The following RGS20 variants were observed in gnomAD, a reference collection of about 807,000 sequenced individuals.
RGS20 encodes gz-selective GTPase-activating protein.
A neutral mutation model predicts 33.6 loss-of-function variants in RGS20; 30 were observed. The ratio of observed to expected loss-of-function variants is 0.89; its 90% CI spans 0.67 to 1.21. The LOEUF (loss-of-function observed/expected upper bound fraction) is 1.21. RGS20 is among the 50% of genes most tolerant of loss of function. RGS20 has a pLI of 0.00. For synonymous variants in RGS20, 208 were observed against 197.9 expected (o/e 1.05, Z -0.43); for missense variants, 472 against 502.4 (o/e 0.94, Z 0.58).
At chr8:53,940,881 G>A (rs1343802717) in intron 3 of RGS20, among the ~76,000 whole-genome samples, 1 of 152,166 alleles carries the variant, frequency 6.6e-6, no homozygotes, top group Non-Finnish European at 1.5e-5. Flanking sequence ...GGTGTCCAGG[G>A]CCTGCCCTAA....
intron 1 of RGS20, among the ~76,000 whole-genome samples, chr8:53,868,732 A>G (rs1175420470): frequency 6.6e-6 from 1 of 152,052 alleles, no homozygotes; most frequent in African/African-American, 2.4e-5. Context: ...CTCCATGATA[A>G]GAAAATATAG....
At chr8:53,954,847 C>G (rs1402187623) in intron 5 of RGS20, among the ~76,000 whole-genome samples, 1 of 151,002 alleles carries the variant, frequency 6.6e-6, no homozygotes, top group East Asian at 2.1e-4. Flanking sequence ...ACCACCAGGC[C>G]TGGCTAATTT....
intron 2 of RGS20, among the ~76,000 whole-genome samples, chr8:53,880,485 C>A (rs1420578148): frequency 6.6e-6 from 1 of 152,002 alleles, no homozygotes; most frequent in Non-Finnish European, 1.5e-5. Flanking sequence ...GACGCGCAGT[C>A]CACAGACGCG....
At chr8:53,889,965 G>A (rs777810547) in intron 2 of RGS20, among the ~76,000 whole-genome samples, 1 of 151,986 alleles carries the variant, frequency 6.6e-6, no homozygotes, top group Non-Finnish European at 1.5e-5. Flanking sequence ...TCTCCTTTGG[G>A]TTAACTGAGC....
intron 5 of RGS20, among the ~76,000 whole-genome samples, chr8:53,954,981 C>T (rs1352438602): frequency 6.6e-6 from 1 of 151,440 alleles, no homozygotes; most frequent in Admixed American, 6.6e-5. Context: ...CCACCGTGCC[C>T]GGCCTCGCCA....
chr8:53,892,954 G>A (rs904875213), intron 2 of RGS20, among the ~76,000 whole-genome samples: 1 of 152,054 alleles, frequency 6.6e-6, no homozygotes, highest in African/African-American at 2.4e-5. Flanking sequence ...CCTAATCTTT[G>A]TCACTTGTAG....
chr8:53,943,832 T>C (rs1157823510), intron 3 of RGS20, among the ~76,000 whole-genome samples: 1 of 152,178 alleles, frequency 6.6e-6, no homozygotes. Context: ...TCGGAAGTCA[T>C]GCAGAGAGCG....
chr8:53,944,487 G>C (rs969845278), intron 3 of RGS20, among the ~76,000 whole-genome samples: 6 of 150,630 alleles, frequency 4.0e-5, no homozygotes, highest in Non-Finnish European at 5.9e-5. Flanking sequence ...GTAGGGAGCT[G>C]AGATCACGCC....
chr8:53,901,229 G>A (rs968676346), intron 2 of RGS20, among the ~76,000 whole-genome samples: 1 of 151,826 alleles, frequency 6.6e-6, no homozygotes, highest in African/African-American at 2.4e-5. Context: ...CACCACGCCC[G>A]GCTAATTTTT....
intron 2 of RGS20, among the ~76,000 whole-genome samples, chr8:53,896,799 G>C (rs1276399706): frequency 6.6e-6 from 1 of 152,212 alleles, no homozygotes; most frequent in East Asian, 1.9e-4. Context: ...GACTAATGAA[G>C]AAGGACCACA....
intron 1 of RGS20, among the ~76,000 whole-genome samples, chr8:53,870,025 A>T (rs1812024967): frequency 6.6e-6 from 1 of 152,176 alleles, no homozygotes; most frequent in African/African-American, 2.4e-5. Flanking sequence ...GGGGAGTAGG[A>T]GTGATGGTAA....
chr8:53,914,484 C>A (rs1813430360), intron 2 of RGS20, among the ~76,000 whole-genome samples: 1 of 152,114 alleles, frequency 6.6e-6, no homozygotes, highest in Non-Finnish European at 1.5e-5. Context: ...TTGCTGTCAC[C>A]TTTTATCCAT....
chr8:53,891,144 T>A (rs1273625836), intron 2 of RGS20, among the ~76,000 whole-genome samples: 8 of 152,176 alleles, frequency 5.3e-5, no homozygotes, highest in African/African-American at 9.7e-5. Flanking sequence ...TGTCCACAGC[T>A]TGTGCTAACG....
chr8:53,902,172 C>T (rs1471051743), intron 2 of RGS20, among the ~76,000 whole-genome samples: 7 of 152,156 alleles, frequency 4.6e-5, no homozygotes, highest in Non-Finnish European at 4.4e-5. Flanking sequence ...CATGTCACCA[C>T]ATCCAGCTAA....
chr8:53,949,588 C>T (rs559820219), intron 4 of RGS20, among the ~76,000 whole-genome samples: 23 of 151,134 alleles, frequency 1.5e-4, no homozygotes, highest in African/African-American at 4.6e-4. Context: ...TGGTGGCAAA[C>T]GCCTGTAATC....
intron 2 of RGS20, among the ~76,000 whole-genome samples, chr8:53,906,309 G>T (rs975195543): frequency 6.6e-6 from 1 of 151,994 alleles, no homozygotes; most frequent in African/African-American, 2.4e-5. Flanking sequence ...CCGGGAGGTG[G>T]AGGTTGCAGT....
intron 2 of RGS20, among the ~76,000 whole-genome samples, chr8:53,891,577 T>C (rs1054547749): frequency 3.9e-5 from 6 of 152,052 alleles, no homozygotes; most frequent in Non-Finnish European, 7.4e-5. Flanking sequence ...GCCAAGATCA[T>C]GCCAGTGCAC....
intron 1 of RGS20, among the ~76,000 whole-genome samples, chr8:53,852,847 C>A (rs1811596765): frequency 6.6e-6 from 1 of 152,096 alleles, no homozygotes; most frequent in Non-Finnish European, 1.5e-5. Flanking sequence ...ATCCTGATAT[C>A]ATTATTTATT....
intron 2 of RGS20, among the ~76,000 whole-genome samples, chr8:53,929,797 A>G (rs1189208722): frequency 1.3e-5 from 2 of 152,232 alleles, no homozygotes; most frequent in African/African-American, 4.8e-5. Flanking sequence ...TCTTCCAGAC[A>G]TTTACAAACA....
Sources: allele counts gnomAD v4.1 joint callset (sites outside exome capture counted in the v4.1 genomes callset), GRCh38; gene constraint gnomAD v4.1.1; transcripts MANE v1.5; gene names NCBI Gene and HGNC (gene_info 2026-07-23, HGNC 2026-07-21).